CELA2A: variants seen among roughly 807,000 people sequenced by gnomAD.
The protein encoded by CELA2A is chymotrypsin-like elastase family member 2A.
Under a neutral mutation model 35.3 loss-of-function variants are expected in CELA2A, and 31 were observed. The ratio of observed to expected loss-of-function variants is 0.88; its 90% CI spans 0.66 to 1.19. The LOEUF (loss-of-function observed/expected upper bound fraction) is 1.19, where lower values mean the gene tolerates loss of function less well. Ranked by LOEUF, CELA2A falls within the 50% of genes most tolerant of loss-of-function variation. The pLI, the probability that CELA2A is intolerant of heterozygous loss-of-function variation, is 0.00. For missense variants in CELA2A, 330 were observed against 352.9 expected, an observed-to-expected ratio of 0.94 and a Z score of 0.52; for synonymous variants, 150 against 149.8, an observed-to-expected ratio of 1.00 and a Z score of -0.01.
chr1:15,461,508 G>A (rs1708433169), intron 2 of CELA2A, 53 bp from the exon 3 acceptor site: 4 of 1,599,368 alleles, frequency 2.5e-6, no homozygotes, highest in South Asian at 2.2e-5. Context: ...CTGGAGTGCA[G>A]GGAGGCCCTG....
At chr1:15,461,871 A>G in intron 3 of CELA2A, 1 of 711,432 alleles carries the variant, frequency 1.4e-6, no homozygotes, top group South Asian at 1.5e-5. Flanking sequence ...CCAGGCAGGC[A>G]CTGAGGGAGG....
At chr1:15,469,191 A>AG (rs1708559847) in intron 7 of CELA2A, among the ~76,000 whole-genome samples, 1 of 152,130 alleles carries the variant, frequency 6.6e-6, no homozygotes, top group African/African-American at 2.4e-5. Flanking sequence ...AGAAAAAAAA[A>AG]CACACAAAAA....
At position 15,456,801 on chromosome 1, in the gene CELA2A, C is replaced by G. The variant is rs144878061; in HGVS notation, c.40+8C>G. The G allele has an allele frequency of 0.034, 54,279 of 1,613,722 alleles. 1,222 individuals are homozygous for G. The highest frequency in any genetic ancestry group is 0.039 in the Non-Finnish European group (46,026 of 1,179,608). ...CCACTTTGGTGGCTGGAGGTAAGTC[C>G]TGTTACCCAGAGGCACTGGTTTCCC... On this transcript the variant is annotated splice_region_variant and intron_variant, in intron 1 of 7. Transcript: ENST00000359621.
At chr1:15,463,658 G>A (rs1239826194) in intron 5 of CELA2A, 136 bp downstream of exon 5, 102 of 1,354,072 alleles carry the variant, frequency 7.5e-5, no homozygotes, top group Non-Finnish European at 1.0e-4. Context: ...ATAGGCTGAC[G>A]CCTGCCTGGG....
intron 1 of CELA2A, 120 bp from the exon 2 acceptor site, chr1:15,456,966 A>G: frequency 7.9e-7 from 1 of 1,261,646 alleles, no homozygotes; most frequent in South Asian, 1.3e-5. Flanking sequence ...GGATTCTATG[A>G]CCTCTTGGGA....
chr1:15,465,825 T>A, intron 5 of CELA2A, 174 bp from the exon 6 acceptor site: 4 of 710,036 alleles, frequency 5.6e-6, no homozygotes, highest in Non-Finnish European at 9.5e-6. Context: ...TTAGCTTGAG[T>A]CAGGTGTTCA....
chr1:15,459,468 A>G (rs1282990073), intron 2 of CELA2A, among the ~76,000 whole-genome samples: 1 of 151,954 alleles, frequency 6.6e-6, no homozygotes, highest in African/African-American at 2.4e-5. Flanking sequence ...CCAGCCTCAC[A>G]ATTTATATAC....
chr1:15,459,477 A>G (rs1201699243), intron 2 of CELA2A, among the ~76,000 whole-genome samples: 1 of 151,834 alleles, frequency 6.6e-6, no homozygotes, highest in Non-Finnish European at 1.5e-5. Flanking sequence ...CAATTTATAT[A>G]CTTGGCTTTG....
Position 15,465,087 on chromosome 1 carries a change from C to T in CELA2A, c.494-912C>T, listed in dbSNP as rs143163390. Among the ~76,000 whole-genome samples the T allele has an allele frequency of 9.4e-3, 1,283 of 136,062 alleles. 15 individuals are homozygous for T. Among genetic ancestry groups the T allele is most frequent in the Middle Eastern group, 0.018 (4 of 224 alleles). The allele number at this position is 136,062 out of a possible 152,430, so 89.3% of individuals were successfully genotyped here. ...AATGCAGTGGTGCAATCTCGGCTCA[C>T]TGCAACCTCTGCCTCCCGAGCTCAA... On this transcript the variant is annotated intron_variant, in intron 5 of 7. Coordinates refer to ENST00000359621, the MANE Select transcript of CELA2A (RefSeq NM_033440.3).
intron 5 of CELA2A, among the ~76,000 whole-genome samples, chr1:15,465,073 G>A (rs1329111094): frequency 7.7e-6 from 1 of 129,780 alleles, no homozygotes; most frequent in Non-Finnish European, 1.6e-5. Context: ...ATGCAGTGGT[G>A]CAATCTCGGC....
Position 15,462,755 on chromosome 1 carries a change from G to A in CELA2A, c.250G>A (p.Gly84Arg), listed in dbSNP as rs764020357. 3.1e-6 allele frequency: 5 copies of A among 1,614,060 alleles called. No individual in the cohort carries two copies. The South Asian group carries it at 3.3e-5, about 11-fold the overall frequency. The change falls in exon 4 of 8, where the codon GGG becomes AGG. Residue 84 changes from glycine (G) to arginine (R), a missense_variant. Coordinates refer to ENST00000359621, the MANE Select transcript of CELA2A (RefSeq NM_033440.3). Reference sequence around the variant, plus strand: ...CAGCTCCTCCAGGACCTACCGCGTGGGGCTGGGCCGGCACAACCTCTACGT... The same window carrying A: ...CAGCTCCTCCAGGACCTACCGCGTGAGGCTGGGCCGGCACAACCTCTACGT... Reference protein sequence around the residue: ...CISSSRTYRVGLGRHNLYVAE... With the variant: ...CISSSRTYRVRLGRHNLYVAE...
At position 15,466,144 on chromosome 1, in the gene CELA2A, C is replaced by T. The variant is rs72474554; in HGVS notation, c.639C>T (p.Asn213=). The T allele has an allele frequency of 1.9e-6, 3 of 1,613,508 alleles. No homozygotes were observed. The highest frequency in any genetic ancestry group is 1.7e-6 in the Non-Finnish European group (2 of 1,179,582). Residue 213 remains asparagine, a splice_region_variant and synonymous_variant, in exon 6 of 8, where the codon AAC becomes AAT. Transcript: ENST00000359621. ...GTGATGGCGTGATCTCCAGCTGCAA[C>T]GTGAGTACCAAAATCAGGGGCTCCG... is the stretch of plus-strand genomic sequence containing the variant. The part of the protein sequence containing the change: ...AGGDGVISSC[N]GDSGGPLNCQ...
At chr1:15,471,601 C>T (rs1708594956) in intron 7 of CELA2A, among the ~76,000 whole-genome samples, 1 of 151,922 alleles carries the variant, frequency 6.6e-6, no homozygotes, top group Admixed American at 6.6e-5. Flanking sequence ...CACTGATCAA[C>T]AGCCTCTGGA....
Position 15,463,640 on chromosome 1 carries a change from G to A in CELA2A, c.493+118G>A, listed in dbSNP as rs571141884. On this transcript the variant is annotated intron_variant, in intron 5 of 7. Transcript: ENST00000359621. ...GGGTGTGTGGCTGCCTTGGAGAGAC[G>A]GGATGGCATAGGCTGACGCCTGCCT... 5.6e-4 allele frequency: 845 copies of A among 1,508,882 alleles called. 5 individuals carry two copies. Among genetic ancestry groups the A allele is most frequent in the African/African-American group, 4.3e-3 (310 of 72,644 alleles). 93.5% of individuals were successfully genotyped at this position (1,508,882 alleles called of 1,614,324 possible). A position where few individuals can be genotyped will look rare whatever the true frequency, so the allele number is the denominator to read the frequency against.
At chr1:15,465,865 G>A (rs762953745) in intron 5 of CELA2A, 134 bp from the exon 6 acceptor site, 3 of 1,050,668 alleles carry the variant, frequency 2.9e-6, no homozygotes, top group Non-Finnish European at 4.3e-6. Flanking sequence ...TGAGGACACA[G>A]TATAGACAAA....
chr1:15,457,428 A>C, intron 2 of CELA2A: 1 of 428,556 alleles, frequency 2.3e-6, no homozygotes, highest in Non-Finnish European at 4.3e-6. Context: ...CCTGGCCAAC[A>C]TGGTGAAACC....
In CELA2A at chr1:15,472,007, A is replaced by G. The variant is rs756398983; in HGVS notation, c.810A>G (p.Ter270=). Residue 270 remains the stop codon, a stop_retained_variant, in exon 8 of 8, where the codon TAA becomes TAG. Coordinates refer to ENST00000359621, the MANE Select transcript of CELA2A (RefSeq NM_033440.3). ...TCCTGCAGGTGATTGCAAATAACTA[A>G]CCAAAAGAAGTCCCTGGGACTGTTT... ...DWINSVIANN[*] 1.2e-6 allele frequency: 2 copies of G among 1,614,066 alleles called. No homozygotes were observed. The highest frequency in any genetic ancestry group is 2.2e-5 in the South Asian group (2 of 91,084).
intron 7 of CELA2A, among the ~76,000 whole-genome samples, chr1:15,471,056 GTCATTCTTTTGAACAGC>G (rs1342202759): frequency 1.3e-5 from 2 of 152,196 alleles, no homozygotes; most frequent in Non-Finnish European, 2.9e-5. Context: ...GTACATACAT[GTCATTCTTTTGAACAGC>G]TAAATAGTAT....
At chr1:15,458,486 T>C (rs1057192102) in intron 2 of CELA2A, among the ~76,000 whole-genome samples, 1 of 152,188 alleles carries the variant, frequency 6.6e-6, no homozygotes. Flanking sequence ...CCCAGCTGAA[T>C]CAGGATGAGT....
Sources: gnomAD v4.1 joint callset for allele counts (sites outside exome capture counted in the v4.1 genomes callset) on GRCh38, gnomAD v4.1.1 for gene constraint, MANE v1.5 for transcripts, NCBI Gene and HGNC (gene_info 2026-07-23, HGNC 2026-07-21) for gene names.